Variants in CGAS observed in about 807,000 individuals in gnomAD.
CGAS encodes 2'3'-cGAMP synthase.
A neutral mutation model predicts 34.0 loss-of-function variants in CGAS; 31 were observed. The observed-to-expected ratio is 0.91, with a 90% CI of 0.69 to 1.23. The LOEUF (loss-of-function observed/expected upper bound fraction) is 1.23, where lower values mean the gene tolerates loss of function less well. CGAS is among the 50% of genes most tolerant of loss of function. The probability of loss-of-function intolerance (pLI) is 0.00; values close to 1 mark genes in which losing one functional copy is unlikely to be tolerated. For missense variants in CGAS, 597 were observed against 657.6 expected, an observed-to-expected ratio of 0.91 and a Z score of 1.01; for synonymous variants, 266 against 260.0, an observed-to-expected ratio of 1.02 and a Z score of -0.22.
At position 73,427,853 on chromosome 6, in the gene CGAS, C is replaced by A. The variant is rs925363582; in HGVS notation, c.1217+856G>T. On this transcript the variant is annotated intron_variant, in intron 4 of 4. Transcript: ENST00000370315. ...TTTGAGACAGGGTGTCACTATGTCA[C>A]CCAGGTTGCAGTGCAGTGGCACGAT... Among the ~76,000 whole-genome samples the A allele has an allele frequency of 2.0e-5, 3 of 151,996 alleles. 1 individual carries two copies. In the South Asian group the frequency reaches 6.2e-4, roughly 32 times the overall value.
chr6:73,440,431 T>A lies in CGAS; in HGVS notation c.892A>T (p.Met298Leu). 6.2e-7 allele frequency: 1 copy of A among 1,612,732 alleles called. No individual in the cohort carries two copies. The highest frequency in any genetic ancestry group is 8.5e-7 in the Non-Finnish European group (1 of 1,179,088). ...GGGCTCCCTCCTCTTTTCCTCTTCA[T>A]GATGACATCTGTATCTGGTTGAACA... Reference protein sequence around the residue: ...INDIKDTDVIMKRKRGGSPAV... With the variant: ...INDIKDTDVILKRKRGGSPAV... Residue 298 changes from methionine (M) to leucine (L), a missense_variant, in exon 3 of 5, where the codon ATG (methionine) becomes TTG (leucine). Coordinates refer to ENST00000370315, the MANE Select transcript of CGAS (RefSeq NM_138441.3).
intron 3 of CGAS, among the ~76,000 whole-genome samples, chr6:73,437,828 G>A (rs1013536595): frequency 6.6e-6 from 1 of 152,166 alleles, no homozygotes; most frequent in South Asian, 2.1e-4. Flanking sequence ...TAATCTTTGG[G>A]AGATGGAGAT....
At chr6:73,438,610 C>T (rs937878599) in intron 3 of CGAS, among the ~76,000 whole-genome samples, 2 of 150,544 alleles carry the variant, frequency 1.3e-5, no homozygotes, top group African/African-American at 4.9e-5. Flanking sequence ...GCAGGAGAAT[C>T]GCTTGAGCCA....
At chr6:73,432,019 G>A (rs1183149334) in intron 3 of CGAS, among the ~76,000 whole-genome samples, 2 of 152,046 alleles carry the variant, frequency 1.3e-5, no homozygotes, top group East Asian at 1.9e-4. Flanking sequence ...TTGTAGAGAC[G>A]GGGTCTCTCC....
At chr6:73,444,860 C>T (rs976742385) in intron 2 of CGAS, among the ~76,000 whole-genome samples, 5 of 151,906 alleles carry the variant, frequency 3.3e-5, no homozygotes, top group Admixed American at 1.3e-4. Context: ...CTGGATTAAG[C>T]GTAGGGGGTA....
intron 3 of CGAS, among the ~76,000 whole-genome samples, chr6:73,438,871 G>A (rs1213860117): frequency 3.3e-5 from 5 of 152,028 alleles, no homozygotes; most frequent in Admixed American, 3.3e-4. Context: ...GGGTTTCCTG[G>A]GGCAGCTATT....
At position 73,450,087 on chromosome 6, in the gene CGAS, CAGAG is replaced by C. The variant is rs925407771; in HGVS notation, c.657+1434_657+1437del. The stretch of plus-strand genomic sequence containing the variant: ...AGAGGGAGGGAGGAAAAGAGAGAGA[CAGAG>C]AGATAGAGAGAAGAGAAGAGAAGAG... On this transcript the variant is annotated intron_variant, in intron 1 of 4. Transcript: ENST00000370315. Among the ~76,000 whole-genome samples, 4 of 129,218 alleles carry C rather than the reference CAGAG, an allele frequency of 3.1e-5. No homozygotes were observed. In the Admixed American group the frequency reaches 3.1e-4, roughly 10 times the overall value. 84.8% of individuals were successfully genotyped at this position (129,218 alleles called of 152,430 possible). A position where few individuals can be genotyped will look rare whatever the true frequency, so the allele number is the denominator to read the frequency against.
At chr6:73,433,943 C>T (rs779695991) in intron 3 of CGAS, among the ~76,000 whole-genome samples, 2 of 152,128 alleles carry the variant, frequency 1.3e-5, no homozygotes, top group Non-Finnish European at 2.9e-5. Flanking sequence ...ATCAAAATTC[C>T]AAAAAGTATT....
Position 73,451,694 on chromosome 6 carries a change from G to C in CGAS, c.488C>G (p.Ser163Trp), listed in dbSNP as rs1370319039. ...CTTCTCCAAAACCGCCCGGAGCTTCGAGGCCCCAGGCGCCGCATCCCTCCG... is the reference window on the plus strand; with the variant it reads ...CTTCTCCAAAACCGCCCGGAGCTTCCAGGCCCCAGGCGCCGCATCCCTCCG... ...LVRRDAAPGA[S>W]KLRAVLEKLK... is the part of the protein sequence containing the mutation. Residue 163 changes from serine (S) to tryptophan (W), a missense_variant, in exon 1 of 5, where the codon TCG becomes TGG. Coordinates refer to ENST00000370315, the MANE Select transcript of CGAS (RefSeq NM_138441.3). 10 of 1,613,784 alleles carry C rather than the reference G, an allele frequency of 6.2e-6. No homozygotes were observed. The highest frequency in any genetic ancestry group is 8.5e-6 in the Non-Finnish European group (10 of 1,179,994).
chr6:73,427,990 T>A (rs1770117763), intron 4 of CGAS, among the ~76,000 whole-genome samples: 1 of 152,070 alleles, frequency 6.6e-6, no homozygotes, highest in Non-Finnish European at 1.5e-5. Flanking sequence ...TTTTTAAATT[T>A]TTTATGGAGG....
intron 1 of CGAS, among the ~76,000 whole-genome samples, chr6:73,449,213 C>T (rs1213106110): frequency 6.6e-6 from 1 of 151,184 alleles, no homozygotes; most frequent in Non-Finnish European, 1.5e-5. Flanking sequence ...ATGGTGGCTC[C>T]CACCTGTAAT....
Position 73,451,735 on chromosome 6 carries a change from C to G in CGAS, c.447G>C (p.Ser149=), listed in dbSNP as rs1024262527. The part of the protein sequence containing the change: ...WDVPSPGLPV[S]APILVRRDAA... ...CATCCCTCCGTACGAGAATGGGGGCCGAGACCGGCAGGCCGGGGCTGGGCA... is the reference window on the plus strand; with the variant it reads ...CATCCCTCCGTACGAGAATGGGGGCGGAGACCGGCAGGCCGGGGCTGGGCA... The change falls in exon 1 of 5, where the codon TCG becomes TCC. Residue 149 remains serine, a synonymous_variant. Coordinates refer to ENST00000370315, the MANE Select transcript of CGAS (RefSeq NM_138441.3). The G allele has an allele frequency of 2.5e-6, 4 of 1,612,340 alleles. No homozygotes were observed. Among genetic ancestry groups the G allele is most frequent in the African/African-American group, 2.7e-5 (2 of 74,908 alleles).
At chr6:73,443,949 A>T (rs567609292) in intron 2 of CGAS, among the ~76,000 whole-genome samples, 1 of 152,178 alleles carries the variant, frequency 6.6e-6, no homozygotes, top group Non-Finnish European at 1.5e-5. Flanking sequence ...GCAGCCAGGG[A>T]CCAGATTCTG....
rs549191337 is a variant in CGAS, at chr6:73,428,517, T to C, written c.1217+192A>G. On this transcript the variant is annotated intron_variant, in intron 4 of 4. Coordinates refer to ENST00000370315, the MANE Select transcript of CGAS (RefSeq NM_138441.3). ...ACTACTATTCCCCGGCCTTGCCTTC[T>C]AACAACACCCTTTCCTTGGCCCTTT... Among the ~76,000 whole-genome samples the C allele has an allele frequency of 1.7e-4, 26 of 152,254 alleles. 1 individual carries two copies. Among genetic ancestry groups the C allele is most frequent in the African/African-American group, 6.3e-4 (26 of 41,568 alleles).
intron 3 of CGAS, among the ~76,000 whole-genome samples, chr6:73,429,838 T>A (rs77865080): frequency 0.018 from 2,714 of 151,494 alleles, 79 homozygotes; most frequent in African/African-American, 0.061. Flanking sequence ...AAAAAAAAAA[T>A]TTCTCCCCGA....
At chr6:73,445,490 T>G (rs1394505097) in intron 2 of CGAS, 38 bp downstream of exon 2, 2 of 1,438,472 alleles carry the variant, frequency 1.4e-6, no homozygotes, top group East Asian at 4.6e-5. Flanking sequence ...TTACTAGGTA[T>G]AATTAAACCT....
At chr6:73,431,481 AAAC>A (rs1020200504) in intron 3 of CGAS, among the ~76,000 whole-genome samples, 1 of 152,110 alleles carries the variant, frequency 6.6e-6, no homozygotes, top group Non-Finnish European at 1.5e-5. Context: ...CAAAAAAACA[AAAC>A]AACAACAACA....
At position 73,425,563 on chromosome 6, in the gene CGAS, T is replaced by C. The variant is rs749671321; in HGVS notation, c.1233A>G (p.Lys411=). The change falls in exon 5 of 5, where the codon AAA becomes AAG. Residue 411 remains lysine, a synonymous_variant. Transcript: ENST00000370315. The part of the protein sequence containing the change: ...EEKCCRKDCL[K]LMKYLLEQLK... ...GCTGTTCTAAAAGGTATTTCATTAGTTTTAAACAATCTTTCCTGTTGAATA... is the reference window on the plus strand; with the variant it reads ...GCTGTTCTAAAAGGTATTTCATTAGCTTTAAACAATCTTTCCTGTTGAATA... 3 of 1,580,224 alleles carry C rather than the reference T, an allele frequency of 1.9e-6. No individual in the cohort carries two copies. The Admixed American group carries it at 5.8e-5, about 31-fold the overall frequency.
chr6:73,440,794 C>T (rs879346100), intron 2 of CGAS, among the ~76,000 whole-genome samples: 11 of 151,714 alleles, frequency 7.3e-5, no homozygotes, highest in African/African-American at 1.7e-4. Context: ...CCCAGCTACT[C>T]GGGAGGCTGA....
Sources: allele counts gnomAD v4.1 joint callset (sites outside exome capture counted in the v4.1 genomes callset), GRCh38; gene constraint gnomAD v4.1.1; transcripts MANE v1.5; gene names NCBI Gene and HGNC (gene_info 2026-07-23, HGNC 2026-07-21).